The following PADI1 variants were observed in gnomAD, a reference collection of about 807,000 sequenced individuals.
PADI1 encodes the protein protein-arginine deiminase type-1.
A neutral mutation model predicts 74.8 loss-of-function variants in PADI1; 65 were observed. The ratio of observed to expected loss-of-function variants is 0.87; its 90% CI spans 0.71 to 1.07. PADI1 has a LOEUF of 1.07. PADI1 is among the 50% of genes least tolerant of loss of function. The probability of loss-of-function intolerance (pLI) is 0.00; values close to 1 mark genes in which losing one functional copy is unlikely to be tolerated. For missense variants in PADI1, 943 were observed against 854.0 expected, an observed-to-expected ratio of 1.10 and a Z score of -1.30; for synonymous variants, 371 against 336.2, an observed-to-expected ratio of 1.10 and a Z score of -1.13.
rs752098908 is a variant in PADI1, at chr1:17,222,423, A to G, written c.226A>G (p.Met76Val). ...TTGGCCGCTAGACACTGATGCAGACATGGTCGTATCTGTGGGCACAGCCAG... is the reference window on the plus strand; with the variant it reads ...TTGGCCGCTAGACACTGATGCAGACGTGGTCGTATCTGTGGGCACAGCCAG... Reference protein sequence around the residue: ...ARWPLDTDADMVVSVGTASKE... With the variant: ...ARWPLDTDADVVVSVGTASKE... The change falls in exon 2 of 16, where the codon ATG becomes GTG. Residue 76 changes from methionine (M) to valine (V), a missense_variant. Physicochemically the swap from Met to Val is conservative, Grantham distance 21 (BLOSUM62 1). Transcript: ENST00000375471. 7.6e-5 allele frequency: 122 copies of G among 1,613,988 alleles called. No individual in the cohort carries two copies. Among genetic ancestry groups the G allele is most frequent in the Non-Finnish European group, 9.8e-5 (116 of 1,179,976 alleles).
In PADI1 at chr1:17,232,633, T is replaced by C. The variant is rs1414972081; in HGVS notation, c.1162-186T>C. Among the ~76,000 whole-genome samples, 3 of 152,244 alleles carry C rather than the reference T, an allele frequency of 2.0e-5. No individual in the cohort carries two copies. The East Asian group carries it at 5.8e-4, about 29-fold the overall frequency. On this transcript the variant is annotated intron_variant, in intron 10 of 15. Coordinates refer to ENST00000375471, the MANE Select transcript of PADI1 (RefSeq NM_013358.3). Reference sequence around the variant, plus strand: ...TTAGTTATCTTTGGTTATTGATTTGTCTTTAATCGCATGGTTCGCAGAGCC... The same window carrying C: ...TTAGTTATCTTTGGTTATTGATTTGCCTTTAATCGCATGGTTCGCAGAGCC...
rs2072451218 is a variant in PADI1, at chr1:17,230,282, AC to A, written c.1053+77del. On this transcript the variant is annotated intron_variant, in intron 9 of 15. Transcript: ENST00000375471. Reference sequence around the variant, plus strand: ...GGGAAGCCGCACAGGTGCCTGATGGACCCAGTGTCGCTAGAGAAGCCACGGC... The same window carrying A: ...GGGAAGCCGCACAGGTGCCTGATGGACCAGTGTCGCTAGAGAAGCCACGGC... 5 of 1,545,642 alleles carry A rather than the reference AC, an allele frequency of 3.2e-6. No homozygotes were observed. In the South Asian group the frequency reaches 6.2e-5, roughly 19 times the overall value.
At chr1:17,207,597 G>A (rs2071717097) in intron 1 of PADI1, among the ~76,000 whole-genome samples, 1 of 152,226 alleles carries the variant, frequency 6.6e-6, no homozygotes, top group Non-Finnish European at 1.5e-5. Context: ...AGGATGGGAG[G>A]AGACGAGGAC....
chr1:17,243,861 T>C, intron 15 of PADI1, 149 bp from the exon 16 acceptor site: 1 of 608,960 alleles, frequency 1.6e-6, no homozygotes, highest in Non-Finnish European at 3.0e-6. Context: ...GCCCTAACTC[T>C]TGAGCAAACT....
intron 10 of PADI1, among the ~76,000 whole-genome samples, chr1:17,231,509 G>T (rs905781078): frequency 1.3e-5 from 2 of 152,194 alleles, no homozygotes; most frequent in African/African-American, 4.8e-5. Context: ...GGCACACAGA[G>T]CAGGGACATT....
At position 17,225,575 on chromosome 1, in the gene PADI1, T is replaced by C. The variant is rs556715002; in HGVS notation, c.409-236T>C. ...TGACACCTTTGCTTCTCCAGTGTGA[T>C]GGCTGGGTAGAGCCATTGTGTATGG... On this transcript the variant is annotated intron_variant, in intron 4 of 15. Transcript: ENST00000375471. Among the ~76,000 whole-genome samples, 64 of 152,286 alleles carry C rather than the reference T, an allele frequency of 4.2e-4. 1 individual carries two copies. In the South Asian group the frequency reaches 0.013, roughly 31 times the overall value.
chr1:17,206,434 C>T (rs1248783123), intron 1 of PADI1, among the ~76,000 whole-genome samples: 3 of 152,126 alleles, frequency 2.0e-5, no homozygotes, highest in African/African-American at 7.2e-5. Context: ...CAAACCTTGA[C>T]TCTAAGTTGC....
At chr1:17,237,101 A>G (rs2072661541) in intron 11 of PADI1, among the ~76,000 whole-genome samples, 2 of 152,252 alleles carry the variant, frequency 1.3e-5, no homozygotes, top group South Asian at 2.1e-4. Flanking sequence ...ACTTACTGCG[A>G]GGACCCTAAG....
chr1:17,222,504 ATCTC>A, intron 2 of PADI1, 34 bp downstream of exon 2: 1 of 1,533,900 alleles, frequency 6.5e-7, no homozygotes, highest in Non-Finnish European at 9.0e-7. Flanking sequence ...AAAGGGTTGG[ATCTC>A]TCCACCCCCA....
intron 11 of PADI1, among the ~76,000 whole-genome samples, chr1:17,235,261 GGGAAGGAAGGAA>G (rs377234912): frequency 2.7e-5 from 2 of 72,978 alleles, no homozygotes; most frequent in Admixed American, 2.9e-4. Flanking sequence ...GAGGGAGGAA[GGGAAGGAAGGAA>G]GGAAGGAAGG....
chr1:17,215,454 A>G (rs2977283), intron 1 of PADI1, among the ~76,000 whole-genome samples: 57,069 of 151,720 alleles, frequency 0.38, 12,491 homozygotes, highest in African/African-American at 0.61. Flanking sequence ...GCTGTGACTT[A>G]GAGATGTCAA....
chr1:17,228,939 T>C lies in PADI1; in HGVS notation c.826-9T>C. 2.5e-6 allele frequency: 4 copies of C among 1,594,746 alleles called. No individual in the cohort carries two copies. Among genetic ancestry groups the C allele is most frequent in the Non-Finnish European group, 3.4e-6 (4 of 1,167,998 alleles). On this transcript the variant is annotated splice_polypyrimidine_tract_variant and intron_variant, in intron 7 of 15. Transcript: ENST00000375471. ...TGCAGGGCCCACCAAGTCCTCATTT[T>C]CCCCTCAGACCCTGCCCGAGGTGAC...
chr1:17,214,560 C>T (rs776582077), intron 1 of PADI1, among the ~76,000 whole-genome samples: 2 of 152,150 alleles, frequency 1.3e-5, no homozygotes, highest in Non-Finnish European at 1.5e-5. Flanking sequence ...GCCAGTACTG[C>T]ATATCTGGGG....
At chr1:17,231,573 G>T (rs189687258) in intron 10 of PADI1, among the ~76,000 whole-genome samples, 7 of 152,150 alleles carry the variant, frequency 4.6e-5, no homozygotes, top group Admixed American at 2.6e-4. Flanking sequence ...GAGTGCACCC[G>T]CCAGGGCCAG....
chr1:17,243,966 A>G lies in PADI1; in HGVS notation c.1759-44A>G, dbSNP rs1484210546. On this transcript the variant is annotated intron_variant, in intron 15 of 15. Transcript: ENST00000375471. The stretch of plus-strand genomic sequence containing the variant: ...AAGGAAGGGGTGCCAGAAGCACAGC[A>G]CTTATAGCCAGACAGCCTCCCTCTT... 5 of 1,382,020 alleles carry G rather than the reference A, an allele frequency of 3.6e-6. No homozygotes were observed. The South Asian group carries it at 6.2e-5, about 17-fold the overall frequency. 85.6% of individuals were successfully genotyped at this position (1,382,020 alleles called of 1,614,324 possible). A position where few individuals can be genotyped will look rare whatever the true frequency, so the allele number is the denominator to read the frequency against.
chr1:17,233,098 G>A, intron 11 of PADI1, 128 bp downstream of exon 11: 1 of 898,418 alleles, frequency 1.1e-6, no homozygotes, highest in Non-Finnish European at 1.6e-6. Context: ...GTGGAATCCT[G>A]GAATCAAAGA....
rs772709708 is a variant in PADI1, at chr1:17,228,719, C to G, written c.747C>G (p.Phe249Leu). ...AGCCAGGGGAGCAGGAGATCAAGTT[C>G]TATGTGGAGGGGCTGACCTTCCCCG... ...ERQPGEQEIKFYVEGLTFPDA... is the reference protein window; with the variant it reads ...ERQPGEQEIKLYVEGLTFPDA... Residue 249 changes from phenylalanine to leucine, a missense_variant, in exon 7 of 16, where the codon TTC becomes TTG. Coordinates refer to ENST00000375471, the MANE Select transcript of PADI1 (RefSeq NM_013358.3). 1.1e-5 allele frequency: 17 copies of G among 1,614,200 alleles called. No individual in the cohort carries two copies. Among genetic ancestry groups the G allele is most frequent in the Non-Finnish European group, 1.4e-5 (17 of 1,180,026 alleles).
chr1:17,243,218 G>A lies in PADI1; in HGVS notation c.1759-792G>A, dbSNP rs373193715. Among the ~76,000 whole-genome samples, 4 of 152,300 alleles carry A rather than the reference G, an allele frequency of 2.6e-5. No homozygotes were observed. In the East Asian group the frequency reaches 7.7e-4, roughly 29 times the overall value. On this transcript the variant is annotated intron_variant, in intron 15 of 15. Coordinates refer to ENST00000375471, the MANE Select transcript of PADI1 (RefSeq NM_013358.3). ...TCCTCTAAGAAACCCCCATAGCACAGCATGGGGGAGAATTCCCATCCCCAG... is the reference window on the plus strand; with the variant it reads ...TCCTCTAAGAAACCCCCATAGCACAACATGGGGGAGAATTCCCATCCCCAG...
Position 17,205,189 on chromosome 1 carries a change from A to T in PADI1, c.-29A>T, listed in dbSNP as rs771709751. On this transcript the variant is annotated 5_prime_UTR_variant, in exon 1 of 16. Coordinates refer to ENST00000375471, the MANE Select transcript of PADI1 (RefSeq NM_013358.3). The stretch of plus-strand genomic sequence containing the variant: ...GACGGGAGCTGGGGAGCCAGGGCTG[A>T]TCTAGGAGGCTGGGAGCCAGGTGAC... 6.3e-7 allele frequency: 1 copy of T among 1,599,712 alleles called. No homozygotes were observed. The highest frequency in any genetic ancestry group is 8.6e-7 in the Non-Finnish European group (1 of 1,167,470).
Sources: gnomAD v4.1 joint callset for allele counts (sites outside exome capture counted in the v4.1 genomes callset) on GRCh38, gnomAD v4.1.1 for gene constraint, MANE v1.5 for transcripts, NCBI Gene and HGNC (gene_info 2026-07-23, HGNC 2026-07-21) for gene names.